The following NOL7 variants were observed in gnomAD, a reference collection of about 807,000 sequenced individuals.
NOL7 encodes U3 small nucleolar RNA-associated protein NOL7.
A neutral mutation model predicts 38.4 loss-of-function variants in NOL7; 36 were observed. The observed-to-expected ratio is 0.94, with a 90% CI of 0.72 to 1.24. The LOEUF is 1.24. Among genes scored for constraint, NOL7 ranks in the 50% most tolerant of loss-of-function variants. The pLI, the probability that NOL7 is intolerant of heterozygous loss-of-function variation, is 0.00. For synonymous variants in NOL7, 142 were observed against 126.5 expected, an observed-to-expected ratio of 1.12 and a Z score of -0.82; for missense variants, 350 against 315.1, an observed-to-expected ratio of 1.11 and a Z score of -0.84.
At chr6:13,626,033 A>G (rs1764593100), downstream of NOL7, among the ~76,000 whole-genome samples, 1 of 152,218 alleles carries the variant, frequency 6.6e-6, no homozygotes. Flanking sequence ...AAAAAATTTC[A>G]AAGGAATGAA....
chr6:13,617,738 T>G (rs375111860), intron 3 of NOL7, 32 bp from the exon 4 acceptor site: 2 of 1,608,740 alleles, frequency 1.2e-6, no homozygotes, highest in Non-Finnish European at 1.7e-6. Context: ...TTTACTGCCA[T>G]TGCAGTCAGT....
chr6:13,626,555 C>A (rs1764611097), downstream of NOL7, among the ~76,000 whole-genome samples: 1 of 152,180 alleles, frequency 6.6e-6, no homozygotes, highest in Non-Finnish European at 1.5e-5. Flanking sequence ...TCAGTTCATT[C>A]TAATCTTTCA....
At chr6:13,622,260 C>CA (rs2127756457), downstream of NOL7, 2 of 1,224,482 alleles carry the variant, frequency 1.6e-6, no homozygotes, top group South Asian at 6.0e-5. Context: ...AACCTGTCCC[C>CA]AGTACATAAT....
chr6:13,620,076 C>A, intron 5 of NOL7, 132 bp from the exon 6 acceptor site: 1 of 972,144 alleles, frequency 1.0e-6, no homozygotes, highest in Non-Finnish European at 1.5e-6. Flanking sequence ...GTTGCTTGAA[C>A]CTGGGAGGCA....
intron 3 of NOL7, among the ~76,000 whole-genome samples, chr6:13,616,861 A>G (rs1764305775): frequency 1.3e-5 from 2 of 152,204 alleles, no homozygotes; most frequent in Non-Finnish European, 2.9e-5. Context: ...ACTTATCCAC[A>G]GGCTCTGAAA....
chr6:13,627,974 G>GA (rs1303908813), intron 8 of NOL7, among the ~76,000 whole-genome samples: 2 of 149,718 alleles, frequency 1.3e-5, no homozygotes, highest in Middle Eastern at 3.4e-3. Context: ...GAACTTAAAG[G>GA]AAAAAAAAAT....
rs935545949 is a variant in NOL7 at position 13,621,707 on chromosome 6, A to C, written c.*880A>C. ...TTATAATACAACAGTTAAACTTGTGAGTCTACAACAGAAGTCATCTGTAGT... is the reference window on the plus strand; with the variant it reads ...TTATAATACAACAGTTAAACTTGTGCGTCTACAACAGAAGTCATCTGTAGT... On this transcript the variant is annotated 3_prime_UTR_variant, in exon 8 of 8. Coordinates refer to ENST00000451315, the MANE Select transcript of NOL7 (RefSeq NM_016167.5). The C allele has an allele frequency of 6.6e-6, 1 of 152,644 alleles. No individual in the cohort carries two copies. The highest frequency in any genetic ancestry group is 1.5e-5 in the Non-Finnish European group (1 of 68,024). The allele number at this position is 152,644 out of a possible 1,614,324, so 9.5% of individuals were successfully genotyped here.
chr6:13,618,105 A>G lies in NOL7; in HGVS notation c.466A>G (p.Lys156Glu). Residue 156 changes from lysine to glutamate, a missense_variant, in exon 5 of 8, where the codon AAG becomes GAG. Lys to Glu is a moderately conservative substitution (Grantham distance 56, BLOSUM62 1). Coordinates refer to ENST00000451315, the MANE Select transcript of NOL7 (RefSeq NM_016167.5). ...AGACTGTGAAAAAGGAAATGACTCC[A>G]AGAAAGTTAAAGTACAAAAAGTACA... ...NEDCEKGNDS[K>E]KVKVQKVQSV... 1 of 1,592,316 alleles carries G rather than the reference A, an allele frequency of 6.3e-7. No homozygotes were observed. The highest frequency in any genetic ancestry group is 8.6e-7 in the Non-Finnish European group (1 of 1,161,886).
At position 13,621,202 on chromosome 6, in the gene NOL7, T is replaced by C. The variant is rs963020431; in HGVS notation, c.*375T>C. 2 of 156,112 alleles carry C rather than the reference T, an allele frequency of 1.3e-5. No homozygotes were observed. Among genetic ancestry groups the C allele is most frequent in the African/African-American group, 4.8e-5 (2 of 41,514 alleles). The allele number at this position is 156,112 out of a possible 1,614,324, so 9.7% of individuals were successfully genotyped here. A position where few individuals can be genotyped will look rare whatever the true frequency, so the allele number is the denominator to read the frequency against. ...GCTATTAAAGATTCAGTGCACAAAA[T>C]ATAGCTAACAGCTTTTAAATTTTTA... On this transcript the variant is annotated 3_prime_UTR_variant, in exon 8 of 8. Coordinates refer to ENST00000451315, the MANE Select transcript of NOL7 (RefSeq NM_016167.5).
chr6:13,626,239 G>T (rs1229442942), downstream of NOL7, among the ~76,000 whole-genome samples: 1 of 152,200 alleles, frequency 6.6e-6, no homozygotes, highest in African/African-American at 2.4e-5. Context: ...TAAACAGGCT[G>T]CCCTTCAGGA....
At chr6:13,615,992 C>T (rs1043732261) in intron 2 of NOL7, among the ~76,000 whole-genome samples, 21 of 151,998 alleles carry the variant, frequency 1.4e-4, no homozygotes, top group African/African-American at 4.6e-4. Flanking sequence ...GCCGAGATCA[C>T]ACCACTGCGC....
chr6:13,619,611 G>A (rs770668905), intron 5 of NOL7, among the ~76,000 whole-genome samples: 1 of 152,164 alleles, frequency 6.6e-6, no homozygotes, highest in Non-Finnish European at 1.5e-5. Context: ...ACATGTATCC[G>A]AACAATTTCC....
Position 13,620,949 on chromosome 6 carries a change from C to T in NOL7, c.*122C>T. The T allele has an allele frequency of 6.5e-6, 4 of 618,684 alleles. No individual in the cohort carries two copies. The highest frequency in any genetic ancestry group is 1.1e-5 in the Non-Finnish European group (4 of 363,956). 38.3% of individuals were successfully genotyped at this position (618,684 alleles called of 1,614,324 possible). On this transcript the variant is annotated 3_prime_UTR_variant, in exon 8 of 8. Transcript: ENST00000451315. ...ACCTATTTGAGGAAGTGCTCAACCACATTTCATTCTTCTGGAGTAGAACTG... is the reference window on the plus strand; with the variant it reads ...ACCTATTTGAGGAAGTGCTCAACCATATTTCATTCTTCTGGAGTAGAACTG...
At chr6:13,621,793 C>T (rs1360855418), downstream of NOL7, 4 of 152,572 alleles carry the variant, frequency 2.6e-5, no homozygotes, top group South Asian at 4.1e-4. Flanking sequence ...ACTAACAGGT[C>T]GGGATTGTAA....
chr6:13,616,329 T>C (rs1389536981), intron 2 of NOL7, 134 bp from the exon 3 acceptor site: 2 of 585,266 alleles, frequency 3.4e-6, no homozygotes, highest in African/African-American at 3.8e-5. Flanking sequence ...CTTAGAGGTA[T>C]GGGGGCAGTT....
chr6:13,616,396 C>T, intron 2 of NOL7, 67 bp from the exon 3 acceptor site: 1 of 1,161,912 alleles, frequency 8.6e-7, no homozygotes, highest in Admixed American at 2.1e-5. Flanking sequence ...GCGGTAACTT[C>T]AGAAGCAACT....
downstream of NOL7, among the ~76,000 whole-genome samples, chr6:13,626,096 A>C (rs1026246199): frequency 7.2e-5 from 11 of 152,180 alleles, no homozygotes; most frequent in Non-Finnish European, 7.3e-5. Flanking sequence ...GTTTTACTTC[A>C]CAATTTATTA....
intron 5 of NOL7, among the ~76,000 whole-genome samples, chr6:13,619,269 A>G (rs539564512): frequency 3.7e-4 from 57 of 152,368 alleles, no homozygotes; most frequent in African/African-American, 1.3e-3. Context: ...TTCCCTGACA[A>G]TATGGCCTTA....
chr6:13,620,946 C>A lies in NOL7; in HGVS notation c.*119C>A. The A allele has an allele frequency of 1.6e-6, 1 of 630,180 alleles. No homozygotes were observed. The highest frequency in any genetic ancestry group is 1.8e-5 in the African/African-American group (1 of 54,296). The allele number at this position is 630,180 out of a possible 1,614,324, so 39.0% of individuals were successfully genotyped here. ...TAAACCTATTTGAGGAAGTGCTCAA[C>A]CACATTTCATTCTTCTGGAGTAGAA... On this transcript the variant is annotated 3_prime_UTR_variant, in exon 8 of 8. Coordinates refer to ENST00000451315, the MANE Select transcript of NOL7 (RefSeq NM_016167.5).
Sources: gnomAD v4.1 joint callset for allele counts (sites outside exome capture counted in the v4.1 genomes callset) on GRCh38, gnomAD v4.1.1 for gene constraint, MANE v1.5 for transcripts, NCBI Gene and HGNC (gene_info 2026-07-23, HGNC 2026-07-21) for gene names.